SYT16: variants seen among roughly 807,000 people sequenced by gnomAD.
The protein encoded by SYT16 is synaptotagmin 16, also known as synaptotagmin-16.
A neutral mutation model predicts 61.4 loss-of-function variants in SYT16; 42 were observed. The observed-to-expected ratio is 0.68, with a 90% CI of 0.53 to 0.89. SYT16 has a LOEUF of 0.89. Ranked by LOEUF, SYT16 falls within the 40% of genes least tolerant of loss-of-function variation. The pLI is 0.00. For synonymous variants in SYT16, 314 were observed against 302.3 expected, an observed-to-expected ratio of 1.04 and a Z score of -0.40; for missense variants, 804 against 807.3, an observed-to-expected ratio of 1.00 and a Z score of 0.05.
At chr14:62,056,572 G>C (rs1327855045) in intron 3 of SYT16, among the ~76,000 whole-genome samples, 1 of 152,180 alleles carries the variant, frequency 6.6e-6, no homozygotes, top group African/African-American at 2.4e-5. Context: ...TAAAGGCCCC[G>C]AGTAAAGTAA....
chr14:61,955,920 G>C (rs948051384), intron 1 of SYT16, among the ~76,000 whole-genome samples: 4 of 151,938 alleles, frequency 2.6e-5, no homozygotes, highest in Non-Finnish European at 5.9e-5. Flanking sequence ...CTGTAAAAGG[G>C]TTCCCTTTTC....
intron 3 of SYT16, among the ~76,000 whole-genome samples, chr14:62,015,102 A>G (rs2053616855): frequency 6.6e-6 from 1 of 152,164 alleles, no homozygotes; most frequent in Admixed American, 6.5e-5. Context: ...TTTTTCTGGC[A>G]GTTAGCTGCT....
intron 1 of SYT16, among the ~76,000 whole-genome samples, chr14:61,837,525 T>G (rs1369798070): frequency 6.6e-6 from 1 of 152,126 alleles, no homozygotes; most frequent in Non-Finnish European, 1.5e-5. Context: ...AGGCGTGAGC[T>G]GCCGTGCAGC....
chr14:61,922,738 C>T (rs983556611), intron 1 of SYT16, among the ~76,000 whole-genome samples: 2 of 152,050 alleles, frequency 1.3e-5, no homozygotes. Flanking sequence ...AGCAATGAAA[C>T]TAGTGTTACA....
At chr14:61,854,027 A>G (rs72716787) in intron 1 of SYT16, among the ~76,000 whole-genome samples, 6,910 of 152,238 alleles carry the variant, frequency 0.045, 258 homozygotes, top group Non-Finnish European at 0.069. Flanking sequence ...ACCCTACCAT[A>G]CTTTAAATAT....
intron 1 of SYT16, among the ~76,000 whole-genome samples, chr14:61,934,394 G>A (rs1445904605): frequency 6.6e-6 from 1 of 152,168 alleles, no homozygotes; most frequent in South Asian, 2.1e-4. Flanking sequence ...TTCAGCCTGA[G>A]AAAACCTCTG....
chr14:61,989,236 A>G (rs965302166), intron 2 of SYT16, among the ~76,000 whole-genome samples: 1 of 152,182 alleles, frequency 6.6e-6, no homozygotes, highest in African/African-American at 2.4e-5. Context: ...TGGGATTAAT[A>G]TTGAATACCT....
intron 3 of SYT16, among the ~76,000 whole-genome samples, chr14:62,013,893 G>A (rs1274538237): frequency 2.0e-5 from 3 of 152,048 alleles, no homozygotes; most frequent in East Asian, 1.9e-4. Context: ...GAACCTGGGA[G>A]GCGGAGGTTG....
intron 3 of SYT16, among the ~76,000 whole-genome samples, chr14:62,055,018 A>C (rs11848234): frequency 0.077 from 11,672 of 152,288 alleles, 538 homozygotes; most frequent in East Asian, 0.12. Context: ...TAGTCAGAGA[A>C]TTTGTAAATT....
At chr14:61,847,647 T>C (rs1217669932) in intron 1 of SYT16, among the ~76,000 whole-genome samples, 1 of 152,334 alleles carries the variant, frequency 6.6e-6, no homozygotes, top group Non-Finnish European at 1.5e-5. Flanking sequence ...ATAAACTTTC[T>C]ACCCTTGTAT....
intron 5 of SYT16, among the ~76,000 whole-genome samples, chr14:62,076,534 T>TGCATA (rs2056503193): frequency 1.3e-5 from 2 of 152,084 alleles, no homozygotes; most frequent in Non-Finnish European, 2.9e-5. Flanking sequence ...AGGAGGGGTA[T>TGCATA]GCATACACAT....
chr14:61,990,634 G>T (rs2052508674), intron 2 of SYT16, among the ~76,000 whole-genome samples: 1 of 152,160 alleles, frequency 6.6e-6, no homozygotes, highest in African/African-American at 2.4e-5. Context: ...ACAGGCTTCT[G>T]CTTTAGCTTT....
intron 2 of SYT16, 23 bp from the exon 3 acceptor site, chr14:61,995,853 A>G: frequency 1.5e-6 from 1 of 648,542 alleles, no homozygotes; most frequent in East Asian, 2.8e-5. Flanking sequence ...AACAGGTGTA[A>G]GTATTTCTTT....
At position 62,087,133 on chromosome 14, in the gene SYT16, G is replaced by A. The variant is rs949870163; in HGVS notation, c.1624+2748G>A. ...TTTGACAGTTACATGGCAAGCTTGGGATACATTTTTAGTTCCCATATGGAA... is the reference window on the plus strand; with the variant it reads ...TTTGACAGTTACATGGCAAGCTTGGAATACATTTTTAGTTCCCATATGGAA... On this transcript the variant is annotated intron_variant, in intron 7 of 7. Transcript: ENST00000683842. Among the ~76,000 whole-genome samples the A allele has an allele frequency of 2.0e-5, 3 of 152,232 alleles. No individual in the cohort carries two copies. The East Asian group carries it at 5.8e-4, about 29-fold the overall frequency.
At chr14:61,820,393 G>C (rs989846111) in intron 1 of SYT16, among the ~76,000 whole-genome samples, 1 of 150,580 alleles carries the variant, frequency 6.6e-6, no homozygotes, top group Non-Finnish European at 1.5e-5. Flanking sequence ...TCTGGGCTTC[G>C]TGGCCTACCC....
At chr14:62,054,099 T>C (rs1031134695) in intron 3 of SYT16, among the ~76,000 whole-genome samples, 4 of 152,248 alleles carry the variant, frequency 2.6e-5, no homozygotes, top group Non-Finnish European at 4.4e-5. Flanking sequence ...TTTTATTACC[T>C]GCTTATTCTT....
At chr14:61,963,245 A>G (rs2051183372) in intron 1 of SYT16, among the ~76,000 whole-genome samples, 2 of 152,168 alleles carry the variant, frequency 1.3e-5, no homozygotes, top group Admixed American at 6.6e-5. Flanking sequence ...AAATTATTAT[A>G]CTTCATGAGC....
At chr14:62,082,662 A>G (rs1285835001) in intron 6 of SYT16, among the ~76,000 whole-genome samples, 2 of 152,088 alleles carry the variant, frequency 1.3e-5, no homozygotes, top group African/African-American at 2.4e-5. Context: ...TTTTTTCTTA[A>G]TATCTGAGTA....
At chr14:62,081,304 TGTG>T in intron 6 of SYT16, 30 bp downstream of exon 6, 1 of 1,590,792 alleles carries the variant, frequency 6.3e-7, no homozygotes, top group Non-Finnish European at 8.6e-7. Flanking sequence ...CTGCTAATGA[TGTG>T]GTGTGTTCGA....
Sources: allele counts gnomAD v4.1 joint callset (sites outside exome capture counted in the v4.1 genomes callset), GRCh38; gene constraint gnomAD v4.1.1; transcripts MANE v1.5; gene names NCBI Gene and HGNC (gene_info 2026-07-23, HGNC 2026-07-21).